DLC1: variants seen among roughly 807,000 people sequenced by gnomAD.
The protein encoded by DLC1 is DLC1 Rho GTPase activating protein, also known as rho GTPase-activating protein 7.
A neutral mutation model predicts 140.3 loss-of-function variants in DLC1; 54 were observed. That is an observed-to-expected ratio of 0.38 (90% CI 0.31 to 0.48). The LOEUF (loss-of-function observed/expected upper bound fraction) is 0.48, where lower values mean the gene tolerates loss of function less well. DLC1 is among the 20% of genes least tolerant of loss of function. DLC1 has a pLI of 0.96. For missense variants in DLC1, 2,536 were observed against 1,907.0 expected (o/e 1.33, Z -6.14); for synonymous variants, 986 against 728.1 (o/e 1.35, Z -5.70).
chr8:13,424,227 G>A (rs550764249), intron 2 of DLC1, among the ~76,000 whole-genome samples: 53 of 152,166 alleles, frequency 3.5e-4, no homozygotes, highest in Non-Finnish European at 6.5e-4. Context: ...GGCCGGGTTC[G>A]GTGGCTCACC....
intron 2 of DLC1, among the ~76,000 whole-genome samples, chr8:13,476,468 GTGT>G: frequency 6.7e-6 from 1 of 148,526 alleles, no homozygotes; most frequent in Non-Finnish European, 1.5e-5. Flanking sequence ...ATACAGTGCA[GTGT>G]TTTTTTTTTT....
chr8:13,541,686 A>T (rs1458096262), intron 1 of DLC1, among the ~76,000 whole-genome samples: 3 of 152,040 alleles, frequency 2.0e-5, no homozygotes, highest in South Asian at 2.1e-4. Flanking sequence ...AGTAGCTGGG[A>T]CTACAGGCGC....
intron 2 of DLC1, among the ~76,000 whole-genome samples, chr8:13,427,032 T>C (rs1162014840): frequency 6.6e-6 from 1 of 152,194 alleles, no homozygotes; most frequent in Non-Finnish European, 1.5e-5. Context: ...ACCTGTACTT[T>C]GGGAGTTCCT....
chr8:13,479,390 G>A (rs1337624865), intron 2 of DLC1, among the ~76,000 whole-genome samples: 1 of 152,064 alleles, frequency 6.6e-6, no homozygotes, highest in East Asian at 1.9e-4. Context: ...CATAATGAGT[G>A]GAAGTTAAGA....
At chr8:13,600,450 A>G (rs535253438) in intron 1 of DLC1, among the ~76,000 whole-genome samples, 2 of 151,984 alleles carry the variant, frequency 1.3e-5, no homozygotes, top group Admixed American at 6.6e-5. Flanking sequence ...AATTAGCTAC[A>G]ACCGAAGAGT....
rs182445225 is a variant in DLC1, at chr8:13,380,741, A to C, written c.1314+12812T>G. 3.8e-4 allele frequency among the ~76,000 whole-genome samples: 58 copies of C among 152,328 alleles called. 1 individual carries two copies. The Middle Eastern group carries it at 0.021, about 54-fold the overall frequency. On this transcript the variant is annotated intron_variant, in intron 4 of 17. Transcript: ENST00000276297. ...ATGTTAAAATTAAAATTTTGACCCA[A>C]ACCCTAAGGGGACAAATTCGATATC...
At chr8:13,506,960 C>T (rs1454319461) in intron 1 of DLC1, among the ~76,000 whole-genome samples, 9 of 152,130 alleles carry the variant, frequency 5.9e-5, no homozygotes, top group African/African-American at 1.7e-4. Flanking sequence ...CTTGGGGACT[C>T]ACACTTGTAC....
At chr8:13,559,170 G>C (rs1447944981) in intron 1 of DLC1, 1 of 152,198 alleles carries the variant, frequency 6.6e-6, no homozygotes. Flanking sequence ...TATAAAGGAA[G>C]TGCTTCATTA....
intron 5 of DLC1, among the ~76,000 whole-genome samples, chr8:13,168,928 G>C (rs750491285): frequency 1.3e-5 from 2 of 152,190 alleles, no homozygotes; most frequent in South Asian, 2.1e-4. Context: ...TTGGACAGAA[G>C]AGTCTAATTT....
intron 1 of DLC1, among the ~76,000 whole-genome samples, chr8:13,582,876 G>GTATATATATA (rs1306419249): frequency 4.8e-5 from 2 of 41,988 alleles, no homozygotes; most frequent in African/African-American, 1.7e-4. Flanking sequence ...ATATACTGTG[G>GTATATATATA]TCTATATATA....
intron 4 of DLC1, among the ~76,000 whole-genome samples, chr8:13,320,256 T>C (rs151037249): frequency 1.2e-4 from 19 of 152,342 alleles, no homozygotes; most frequent in Non-Finnish European, 1.6e-4. Context: ...TTAAATTTCT[T>C]GCTAATATCC....
intron 1 of DLC1, among the ~76,000 whole-genome samples, chr8:13,572,569 C>T (rs757907041): frequency 2.0e-5 from 3 of 152,242 alleles, no homozygotes; most frequent in Non-Finnish European, 1.5e-5. Context: ...AATCTAAGAT[C>T]ATGCAAGTTT....
chr8:13,261,858 C>T (rs1396086554), intron 5 of DLC1, among the ~76,000 whole-genome samples: 1 of 152,196 alleles, frequency 6.6e-6, no homozygotes, highest in African/African-American at 2.4e-5. Context: ...GGACATGTTT[C>T]AGCATTTGTA....
intron 4 of DLC1, among the ~76,000 whole-genome samples, chr8:13,388,736 G>A (rs970496758): frequency 6.6e-6 from 1 of 151,792 alleles, no homozygotes; most frequent in African/African-American, 2.4e-5. Flanking sequence ...TATTTTATAT[G>A]TATACATATA....
At chr8:13,553,936 G>A (rs1029901012) in intron 1 of DLC1, among the ~76,000 whole-genome samples, 8 of 151,832 alleles carry the variant, frequency 5.3e-5, no homozygotes, top group Non-Finnish European at 1.2e-4. Context: ...CTTTGTCTGC[G>A]CCCTTTGCTT....
chr8:13,401,419 G>C, intron 3 of DLC1, 51 bp downstream of exon 3: 1 of 1,600,746 alleles, frequency 6.2e-7, no homozygotes, highest in Non-Finnish European at 8.5e-7. Flanking sequence ...ACTGTATAAG[G>C]TCAAGAGTTA....
At chr8:13,208,600 T>G (rs1827784451) in intron 5 of DLC1, among the ~76,000 whole-genome samples, 1 of 152,108 alleles carries the variant, frequency 6.6e-6, no homozygotes, top group Non-Finnish European at 1.5e-5. Flanking sequence ...AACTTCTGCT[T>G]CCTTTCTGCA....
At chr8:13,168,980 T>C (rs1450139270) in intron 5 of DLC1, among the ~76,000 whole-genome samples, 2 of 152,236 alleles carry the variant, frequency 1.3e-5, no homozygotes, top group African/African-American at 4.8e-5. Context: ...CTCTTTGCAT[T>C]GTAGAAAAGG....
At chr8:13,295,004 T>G (rs1429427394) in intron 5 of DLC1, among the ~76,000 whole-genome samples, 1 of 152,190 alleles carries the variant, frequency 6.6e-6, no homozygotes. Flanking sequence ...TCCACAAACT[T>G]CAACCGAAAC....
Sources: allele counts gnomAD v4.1 joint callset (sites outside exome capture counted in the v4.1 genomes callset), GRCh38; gene constraint gnomAD v4.1.1; transcripts MANE v1.5; gene names NCBI Gene and HGNC (gene_info 2026-07-23, HGNC 2026-07-21).